The following CHD4 variants were observed in gnomAD, a reference collection of about 807,000 sequenced individuals.
The protein encoded by CHD4 is ATP-dependent chromatin remodeler CHD4.
Under a neutral mutation model 235.5 loss-of-function variants are expected in CHD4, and 35 were observed. The observed-to-expected ratio is 0.15, with a 90% CI of 0.11 to 0.20. CHD4 has a LOEUF of 0.20. Ranked by LOEUF, CHD4 falls within the 10% of genes least tolerant of loss-of-function variation. CHD4 has a pLI of 1.00. For synonymous variants in CHD4, 900 were observed against 850.2 expected (o/e 1.06, Z -1.02); for missense variants, 1,329 against 2,432.3 (o/e 0.55, Z 9.54).
At chr12:6,602,827 G>A (rs1565619892) in intron 2 of CHD4, 1 of 207,666 alleles carries the variant, frequency 4.8e-6, no homozygotes, top group South Asian at 1.1e-4. Flanking sequence ...CCAAGTAAGA[G>A]AACTAGATTT....
At chr12:6,580,980 C>A (rs1948175717) in intron 33 of CHD4, 64 bp downstream of exon 33, 4 of 1,582,022 alleles carry the variant, frequency 2.5e-6, no homozygotes, top group Non-Finnish European at 3.4e-6. Context: ...GCACTCCAGC[C>A]TGGCGGCAGC....
Position 6,595,381 on chromosome 12 carries a change from C to G in CHD4, c.2074G>C (p.Val692Leu). 3 of 1,614,134 alleles carry G rather than the reference C, an allele frequency of 1.9e-6. No individual in the cohort carries two copies. The highest frequency in any genetic ancestry group is 1.7e-6 in the Non-Finnish European group (2 of 1,180,008). The change falls in exon 14 of 40, where the codon GTG (valine) becomes CTG (leucine). Residue 692 changes from valine (V) to leucine (L), a missense_variant. By Grantham distance (32) the Val-to-Leu change is conservative. Transcript: ENST00000544040. Reference sequence around the variant, plus strand: ...GGCCTCTCCAACTTCCGAAGCTTCACCTTCTTGAGCTTCTTGCCTGGTCGG... The same window carrying G: ...GGCCTCTCCAACTTCCGAAGCTTCAGCTTCTTGAGCTTCTTGCCTGGTCGG... ...EGRPGKKLKKVKLRKLERPPE... is the reference protein window; with the variant it reads ...EGRPGKKLKKLKLRKLERPPE...
chr12:6,583,006 C>CA (rs1565606064), intron 27 of CHD4, 21 bp downstream of exon 27: 6 of 1,582,134 alleles, frequency 3.8e-6, no homozygotes, highest in Non-Finnish European at 5.1e-6. Flanking sequence ...AGAAAAGCAA[C>CA]AAAAAAAGCA....
Position 6,578,887 on chromosome 12 carries a change from T to G in CHD4, c.4940A>C (p.Lys1647Thr). The change falls in exon 34 of 40, where the codon AAG becomes ACG. Residue 1647 changes from lysine (K) to threonine (T), a missense_variant. Lys to Thr is a moderately conservative substitution (Grantham distance 78). Coordinates refer to ENST00000544040, the MANE Select transcript of CHD4 (RefSeq NM_001273.5). ...GAADVEKVEEKSAIDLTPIVV... is the reference protein window; with the variant it reads ...GAADVEKVEETSAIDLTPIVV... ...AATAGGGGTCAGATCTATTGCTGAC[T>G]TTTCCTCCACCTTCTCTACATCAGC... The G allele has an allele frequency of 6.2e-7, 1 of 1,614,152 alleles. No individual in the cohort carries two copies. The highest frequency in any genetic ancestry group is 8.5e-7 in the Non-Finnish European group (1 of 1,179,984).
At chr12:6,570,743 C>A in intron 39 of CHD4, 50 bp from the exon 40 acceptor site, 2 of 1,613,718 alleles carry the variant, frequency 1.2e-6, no homozygotes, top group Middle Eastern at 1.7e-4. Context: ...AGGAATCCAC[C>A]CAATCTCAAG....
At chr12:6,580,722 A>AC in intron 33 of CHD4, 1 of 231,340 alleles carries the variant, frequency 4.3e-6, no homozygotes, top group Admixed American at 5.7e-5. Flanking sequence ...AAAAAAAAAA[A>AC]AAAAAGCCAG....
Position 6,577,836 on chromosome 12 carries a change from G to C in CHD4, c.5310C>G (p.Asn1770Lys), listed in dbSNP as rs747768498. 1.2e-6 allele frequency: 2 copies of C among 1,614,182 alleles called. No homozygotes were observed. Among genetic ancestry groups the C allele is most frequent in the Non-Finnish European group, 1.7e-6 (2 of 1,180,028 alleles). ...TCTTGATCTCTAAGAAATTGCCACG[G>C]TTCATTTCACCCTTGAAAGGCTCAT... Reference protein sequence around the residue: ...ILNEPFKGEMNRGNFLEIKNK... With the variant: ...ILNEPFKGEMKRGNFLEIKNK... The change falls in exon 37 of 40, where the codon AAC becomes AAG. Residue 1770 changes from asparagine (N) to lysine (K), a missense_variant. Physicochemically the swap from Asn to Lys is moderately conservative, Grantham distance 94 (BLOSUM62 0). Around this residue, in one of 26 missense-constraint regions of CHD4, gnomAD observed 135 missense variants for 282.3 expected, o/e 0.48. Coordinates refer to ENST00000544040, the MANE Select transcript of CHD4 (RefSeq NM_001273.5).
intron 10 of CHD4, 122 bp downstream of exon 10, chr12:6,599,651 A>G (rs1948556497): frequency 1.6e-6 from 2 of 1,219,994 alleles, no homozygotes; most frequent in East Asian, 2.4e-5. Context: ...AGGATGAAGG[A>G]GAATACCTTT....
In CHD4 at chr12:6,598,265, T is replaced by C; in HGVS notation, c.1643A>G (p.Gln548Arg). ...RPERQFFVKW[Q>R]GMSYWHCSWV... ...GGAGCAGTGCCAGTAAGACATGCCT[T>C]GCCATTTCACAAAGAACTGCCGCTC... Residue 548 changes from glutamine (Q) to arginine (R), a missense_variant, in exon 11 of 40, where the codon CAA becomes CGA. Coordinates refer to ENST00000544040, the MANE Select transcript of CHD4 (RefSeq NM_001273.5). 3.1e-6 allele frequency: 5 copies of C among 1,613,986 alleles called. No individual in the cohort carries two copies. Among genetic ancestry groups the C allele is most frequent in the South Asian group, 1.1e-5 (1 of 91,052 alleles).
intron 38 of CHD4, chr12:6,571,309 C>A (rs992824087): frequency 5.5e-6 from 2 of 366,204 alleles, no homozygotes; most frequent in African/African-American, 4.2e-5. Context: ...TTTCTCTTCT[C>A]TACCTTCAGA....
chr12:6,584,219 A>C (rs1015504513), intron 25 of CHD4: 8 of 152,144 alleles, frequency 5.3e-5, no homozygotes, highest in Non-Finnish European at 7.3e-5. Flanking sequence ...CAAGGAAAAA[A>C]AAGTCTTTGG....
chr12:6,571,280 T>C (rs1040979859), intron 38 of CHD4: 1 of 433,396 alleles, frequency 2.3e-6, no homozygotes, highest in Admixed American at 4.0e-5. Context: ...GTATTTCCTC[T>C]TCTTGAGCTT....
chr12:6,581,353 CTTT>C lies in CHD4; in HGVS notation c.4714_4716del (p.Lys1572del), dbSNP rs761725960. 7.4e-6 allele frequency: 12 copies of C among 1,614,194 alleles called. No individual in the cohort carries two copies. In the East Asian group the frequency reaches 1.1e-4, roughly 15 times the overall value. ...TTTTCTCCTTCTATGCTCTCTTCTT[CTTT>C]GAGGCTATTTTCCTCTATTTTTATC... is the stretch of plus-strand genomic sequence containing the variant. On this transcript the variant is annotated inframe_deletion, in exon 32 of 40. Coordinates refer to ENST00000544040, the MANE Select transcript of CHD4 (RefSeq NM_001273.5).
intron 11 of CHD4, 27 bp from the exon 12 acceptor site, chr12:6,598,126 A>G: frequency 6.2e-7 from 1 of 1,613,738 alleles, no homozygotes; most frequent in Non-Finnish European, 8.5e-7. Context: ...AAAATCAGCC[A>G]CCAAGAAGCT....
At chr12:6,571,088 T>C (rs1947960061) in intron 38 of CHD4, 56 bp from the exon 39 acceptor site, 1 of 1,587,226 alleles carries the variant, frequency 6.3e-7, no homozygotes, top group South Asian at 1.1e-5. Context: ...GAGCTCCCTC[T>C]ACCCTAGTGG....
intron 22 of CHD4, among the ~76,000 whole-genome samples, chr12:6,589,138 G>A (rs754460159): frequency 2.0e-5 from 3 of 151,846 alleles, no homozygotes; most frequent in East Asian, 1.9e-4. Flanking sequence ...CCAGCTACTC[G>A]GGAGGCTGAG....
intron 39 of CHD4, 64 bp from the exon 40 acceptor site, chr12:6,570,757 A>C: frequency 6.2e-7 from 1 of 1,613,164 alleles, no homozygotes; most frequent in Non-Finnish European, 8.5e-7. Flanking sequence ...TCTCAAGGGA[A>C]TTCACTGATA....
At chr12:6,600,709 A>G in intron 7 of CHD4, 40 bp from the exon 8 acceptor site, 1 of 1,610,314 alleles carries the variant, frequency 6.2e-7, no homozygotes, top group South Asian at 1.1e-5. Flanking sequence ...CGTTCAAGCC[A>G]AGGGGAAGGA....
intron 2 of CHD4, among the ~76,000 whole-genome samples, chr12:6,603,680 A>C (rs1239605483): frequency 6.6e-6 from 1 of 152,164 alleles, no homozygotes. Flanking sequence ...CATCCTAAGC[A>C]AGGAAACCCA....
Sources: gnomAD v4.1 joint callset for allele counts (sites outside exome capture counted in the v4.1 genomes callset) on GRCh38, gnomAD v4.1.1 for gene constraint, gnomAD v4.1.1 regional missense constraint, MANE v1.5 for transcripts, NCBI Gene and HGNC (gene_info 2026-07-23, HGNC 2026-07-21) for gene names.